Variants in GPCPD1 observed in about 807,000 individuals in gnomAD.
GPCPD1 encodes glycerophosphocholine phosphodiesterase 1, also known as glycerophosphocholine phosphodiesterase GPCPD1.
Under a neutral mutation model 89.2 loss-of-function variants are expected in GPCPD1, and 29 were observed. The observed-to-expected ratio is 0.33, with a 90% confidence interval of 0.24 to 0.44. The LOEUF (loss-of-function observed/expected upper bound fraction) is 0.44, where lower values mean the gene tolerates loss of function less well. GPCPD1 is among the 20% of genes least tolerant of loss of function. The pLI is 1.00. For missense variants in GPCPD1, 594 were observed against 808.9 expected, an observed-to-expected ratio of 0.73 and a Z score of 3.22; for synonymous variants, 258 against 266.3, an observed-to-expected ratio of 0.97 and a Z score of 0.30.
At chr20:5,594,464 T>A (rs1001906015) in intron 3 of GPCPD1, among the ~76,000 whole-genome samples, 7 of 152,264 alleles carry the variant, frequency 4.6e-5, no homozygotes, top group Middle Eastern at 3.4e-3. Context: ...TAACTTTGTT[T>A]TTTTATTTTT....
chr20:5,555,584 C>T (rs181607867), intron 19 of GPCPD1, among the ~76,000 whole-genome samples: 13 of 151,928 alleles, frequency 8.6e-5, no homozygotes, highest in Admixed American at 6.6e-4. Flanking sequence ...TGGCAGGGCG[C>T]GGTGGCTCAC....
intron 19 of GPCPD1, among the ~76,000 whole-genome samples, chr20:5,552,870 C>T (rs958600516): frequency 7.2e-5 from 11 of 152,158 alleles, no homozygotes; most frequent in African/African-American, 2.7e-4. Context: ...TGAGCCAAAT[C>T]CAAGGAATGT....
At chr20:5,572,473 C>T (rs6133229) in intron 11 of GPCPD1, among the ~76,000 whole-genome samples, 37,453 of 151,950 alleles carry the variant, frequency 0.25, 5,059 homozygotes, top group East Asian at 0.43. Context: ...TAAACCCATT[C>T]CAATTTCCAA....
chr20:5,567,735 AACCT>A, intron 12 of GPCPD1, 175 bp from the exon 13 acceptor site: 3 of 531,726 alleles, frequency 5.6e-6, no homozygotes. Flanking sequence ...CAGCCCTTCT[AACCT>A]AACACCACCT....
intron 3 of GPCPD1, among the ~76,000 whole-genome samples, 159 bp downstream of exon 3, chr20:5,598,566 C>T (rs1281718492): frequency 1.3e-5 from 2 of 150,622 alleles, no homozygotes; most frequent in African/African-American, 2.4e-5. Context: ...GTTTTTCCCA[C>T]ACAAATTTTG....
chr20:5,598,523 G>GA (rs905873471), intron 3 of GPCPD1, among the ~76,000 whole-genome samples: 2 of 151,514 alleles, frequency 1.3e-5, no homozygotes, highest in Non-Finnish European at 2.9e-5. Context: ...GAAAGTGGTT[G>GA]AGAGGCAGGG....
At chr20:5,598,639 G>GA (rs1979904937) in intron 3 of GPCPD1, 86 bp downstream of exon 3, 1 of 752,056 alleles carries the variant, frequency 1.3e-6, no homozygotes, top group Non-Finnish European at 2.2e-6. Context: ...ATAACTAAAA[G>GA]AAAAAATACC....
intron 2 of GPCPD1, among the ~76,000 whole-genome samples, chr20:5,599,055 A>C (rs1386802788): frequency 6.6e-6 from 1 of 152,190 alleles, no homozygotes; most frequent in Non-Finnish European, 1.5e-5. Flanking sequence ...ATACGGATGA[A>C]GTTTTCTTCA....
intron 19 of GPCPD1, among the ~76,000 whole-genome samples, chr20:5,549,984 G>A (rs6116849): frequency 6.6e-6 from 1 of 152,062 alleles, no homozygotes; most frequent in Non-Finnish European, 1.5e-5. Context: ...CCTGAGCTCA[G>A]GAGTTCAAGA....
chr20:5,602,608 T>C (rs1980241428), intron 2 of GPCPD1, among the ~76,000 whole-genome samples: 1 of 152,242 alleles, frequency 6.6e-6, no homozygotes, highest in Admixed American at 6.5e-5. Flanking sequence ...CACTCATTCT[T>C]TGAATACAGA....
At chr20:5,554,130 G>A (rs547192762) in intron 19 of GPCPD1, among the ~76,000 whole-genome samples, 12 of 134,160 alleles carry the variant, frequency 8.9e-5, no homozygotes, top group South Asian at 2.4e-4. Context: ...CACCACGCCC[G>A]GCTAATTATT....
chr20:5,565,265 C>T (rs150167811), intron 14 of GPCPD1, among the ~76,000 whole-genome samples, 187 bp from the exon 15 acceptor site: 5 of 151,242 alleles, frequency 3.3e-5, no homozygotes, highest in African/African-American at 1.2e-4. Flanking sequence ...CTCACTCTGT[C>T]ATCTAGGCTG....
At chr20:5,601,512 G>A (rs1980149031) in intron 2 of GPCPD1, among the ~76,000 whole-genome samples, 1 of 151,816 alleles carries the variant, frequency 6.6e-6, no homozygotes, top group South Asian at 2.1e-4. Flanking sequence ...GGGACTACAG[G>A]CACGCACCAT....
intron 16 of GPCPD1, among the ~76,000 whole-genome samples, chr20:5,560,838 C>T (rs910020608): frequency 6.6e-6 from 1 of 152,174 alleles, no homozygotes; most frequent in Non-Finnish European, 1.5e-5. Flanking sequence ...AAGCCCCTTG[C>T]AATGCATCCC....
At chr20:5,594,313 G>T (rs1292608676) in intron 3 of GPCPD1, among the ~76,000 whole-genome samples, 4 of 151,064 alleles carry the variant, frequency 2.6e-5, no homozygotes, top group African/African-American at 9.7e-5. Context: ...TTTTTGAGAC[G>T]GAGTCTTGCT....
chr20:5,601,407 C>T (rs549801721), intron 2 of GPCPD1, among the ~76,000 whole-genome samples: 1 of 140,026 alleles, frequency 7.1e-6, no homozygotes, highest in East Asian at 2.1e-4. Context: ...CTTGCTCCAT[C>T]GCCCAGGCTG....
Position 5,575,392 on chromosome 20 carries a change from C to T in GPCPD1, c.1001+21G>A, listed in dbSNP as rs564048965. On this transcript the variant is annotated intron_variant, in intron 10 of 19. Coordinates refer to ENST00000379019, the MANE Select transcript of GPCPD1 (RefSeq NM_019593.5). ...ACATAAGCTACACCAAATGCTAATC[C>T]TACTCAAATATTCAACTTACTGGGC... The T allele has an allele frequency of 1.3e-5, 21 of 1,573,672 alleles. No individual in the cohort carries two copies. The African/African-American group carries it at 2.8e-4, about 21-fold the overall frequency.
In GPCPD1 at chr20:5,545,422, G is replaced by C. The variant is rs1315048003; in HGVS notation, c.*2239C>G. 6.6e-6 allele frequency: 1 copy of C among 152,222 alleles called. No homozygotes were observed. The highest frequency in any genetic ancestry group is 1.5e-5 in the Non-Finnish European group (1 of 68,062). The allele number at this position is 152,222 out of a possible 1,614,324, so 9.4% of individuals were successfully genotyped here. ...GATGCACAGCCTGATCAAGGTACGA[G>C]CCGTGGAGCACAAAGACGGATTCAT... On this transcript the variant is annotated 3_prime_UTR_variant, in exon 20 of 20. Transcript: ENST00000379019.
rs746763427 is a variant in GPCPD1, at chr20:5,565,088, T to C, written c.1268-10A>G. On this transcript the variant is annotated splice_polypyrimidine_tract_variant and intron_variant, in intron 14 of 19. Transcript: ENST00000379019. ...TCCTGAACCACAGATTCTGAAATTT[T>C]AAAACACAAAATCTCAGTAAATAAA... is the stretch of plus-strand genomic sequence containing the variant. 4.1e-5 allele frequency: 58 copies of C among 1,428,580 alleles called. No individual in the cohort carries two copies. Among genetic ancestry groups the C allele is most frequent in the East Asian group, 3.6e-4 (16 of 44,002 alleles). 88.5% of individuals were successfully genotyped at this position (1,428,580 alleles called of 1,614,324 possible). A position where few individuals can be genotyped will look rare whatever the true frequency, so the allele number is the denominator to read the frequency against.
Sources: gnomAD v4.1 joint callset for allele counts (sites outside exome capture counted in the v4.1 genomes callset) on GRCh38, gnomAD v4.1.1 for gene constraint, MANE v1.5 for transcripts, NCBI Gene and HGNC (gene_info 2026-07-23, HGNC 2026-07-21) for gene names.